The following PRELID2 variants were observed in gnomAD, a reference collection of about 807,000 sequenced individuals.
PRELID2 encodes PRELI domain-containing protein 2.
PRELID2 carries 25 observed loss-of-function variants against 28.4 expected under a neutral mutation model. The ratio of observed to expected loss-of-function variants is 0.88; its 90% CI spans 0.64 to 1.23. PRELID2 has a LOEUF of 1.23. Among genes scored for constraint, PRELID2 ranks in the 50% most tolerant of loss-of-function variants. The pLI is 0.00. For synonymous variants in PRELID2, 76 were observed against 71.6 expected, an observed-to-expected ratio of 1.06 and a Z score of -0.31; for missense variants, 201 against 214.4, an observed-to-expected ratio of 0.94 and a Z score of 0.39.
At chr5:145,569,025 A>G (rs896491557) in intron 1 of PRELID2, among the ~76,000 whole-genome samples, 4 of 152,214 alleles carry the variant, frequency 2.6e-5, no homozygotes, top group Admixed American at 2.6e-4. Context: ...ATGCTGTTTC[A>G]AAGAAACACT....
intron 1 of PRELID2, among the ~76,000 whole-genome samples, chr5:145,719,496 CGAGA>C (rs143655188): frequency 1.4e-3 from 206 of 144,720 alleles, no homozygotes; most frequent in Middle Eastern, 3.6e-3. Context: ...TTTCCCATTA[CGAGA>C]GAGAGAGAGA....
chr5:145,654,234 C>A (rs556831611), intron 1 of PRELID2, among the ~76,000 whole-genome samples: 2 of 152,126 alleles, frequency 1.3e-5, no homozygotes, highest in Non-Finnish European at 2.9e-5. Context: ...CAATAACAGG[C>A]TCTGAAATTG....
chr5:145,442,677 C>A, the PRELID2 span, among the ~76,000 whole-genome samples: 2 of 151,982 alleles, frequency 1.3e-5, no homozygotes, highest in Admixed American at 1.3e-4. Context: ...TGAAGTAATT[C>A]TTCAACATAA....
intron 1 of PRELID2, chr5:145,834,945 C>T (rs1755838153): frequency 2.3e-6 from 1 of 436,342 alleles, no homozygotes. Flanking sequence ...AAAAGGAAAG[C>T]CTCTTCTTTC....
chr5:145,832,324 C>G (rs1755647271), intron 1 of PRELID2, among the ~76,000 whole-genome samples: 1 of 152,124 alleles, frequency 6.6e-6, no homozygotes, highest in South Asian at 2.1e-4. Flanking sequence ...GCTGGGATTA[C>G]AGGCATAGGG....
intron 1 of PRELID2, among the ~76,000 whole-genome samples, chr5:145,601,460 A>T (rs1753396718): frequency 6.6e-6 from 1 of 152,242 alleles, no homozygotes; most frequent in South Asian, 2.1e-4. Context: ...ACAGAAAAAA[A>T]TATTTCAAGC....
At chr5:145,786,060 A>C (rs564681798) in intron 5 of PRELID2, among the ~76,000 whole-genome samples, 1 of 152,346 alleles carries the variant, frequency 6.6e-6, no homozygotes, top group East Asian at 1.9e-4. Context: ...TAAATAACTA[A>C]TAAATGTCAC....
the PRELID2 span, among the ~76,000 whole-genome samples, chr5:145,248,329 C>T: frequency 6.6e-6 from 1 of 151,724 alleles, no homozygotes; most frequent in Non-Finnish European, 1.5e-5. Flanking sequence ...AAATTTTGTA[C>T]CATAGGTTGG....
At chr5:145,607,254 G>C (rs1461387761) in intron 1 of PRELID2, among the ~76,000 whole-genome samples, 1 of 151,928 alleles carries the variant, frequency 6.6e-6, no homozygotes, top group Non-Finnish European at 1.5e-5. Flanking sequence ...CTTCAGTCCA[G>C]CTCTGATTTT....
intron 1 of PRELID2, among the ~76,000 whole-genome samples, chr5:145,494,809 G>T (rs1412319956): frequency 6.6e-6 from 1 of 152,122 alleles, no homozygotes; most frequent in Admixed American, 6.5e-5. Flanking sequence ...TCATTGAATA[G>T]ATAAGAGAAT....
the PRELID2 span, among the ~76,000 whole-genome samples, chr5:145,251,393 A>G: frequency 6.6e-6 from 1 of 152,154 alleles, no homozygotes; most frequent in Non-Finnish European, 1.5e-5. Flanking sequence ...AGTTGCTGTT[A>G]GAATATATCA....
intron 1 of PRELID2, among the ~76,000 whole-genome samples, chr5:145,636,095 C>G (rs1231645852): frequency 6.6e-6 from 1 of 152,206 alleles, no homozygotes; most frequent in African/African-American, 2.4e-5. Context: ...GAATTATTTT[C>G]CAGTTGCCTA....
At chr5:145,519,884 T>C (rs866751057) in intron 1 of PRELID2, among the ~76,000 whole-genome samples, 7 of 152,214 alleles carry the variant, frequency 4.6e-5, no homozygotes, top group African/African-American at 7.2e-5. Context: ...AAAATTACAA[T>C]TGAAACATCT....
chr5:145,494,662 G>A (rs897391760), intron 1 of PRELID2, among the ~76,000 whole-genome samples: 9 of 152,124 alleles, frequency 5.9e-5, no homozygotes, highest in Non-Finnish European at 1.2e-4. Flanking sequence ...AACATTTTAA[G>A]TATATATTCT....
the PRELID2 span, among the ~76,000 whole-genome samples, chr5:145,356,421 C>G: frequency 6.6e-6 from 1 of 151,866 alleles, no homozygotes; most frequent in Non-Finnish European, 1.5e-5. Flanking sequence ...TTATAGGTCT[C>G]TAAGAATTTG....
chr5:145,632,612 A>G (rs1753948159), intron 1 of PRELID2, among the ~76,000 whole-genome samples: 1 of 152,194 alleles, frequency 6.6e-6, no homozygotes, highest in Non-Finnish European at 1.5e-5. Flanking sequence ...CCATAAGTTT[A>G]GAAAGTCTGC....
At chr5:145,580,527 T>G (rs189829617) in intron 1 of PRELID2, among the ~76,000 whole-genome samples, 72 of 152,158 alleles carry the variant, frequency 4.7e-4, no homozygotes, top group Non-Finnish European at 8.2e-4. Flanking sequence ...GACTACCCTT[T>G]GTCTAGTGCT....
chr5:145,269,876 G>GTA, the PRELID2 span, among the ~76,000 whole-genome samples: 376 of 147,286 alleles, frequency 2.6e-3, 2 homozygotes, highest in African/African-American at 8.6e-3. Flanking sequence ...ACATATATAT[G>GTA]TATATATATA....
At chr5:145,470,051 G>A (rs1003619756), downstream of PRELID2, among the ~76,000 whole-genome samples, 9 of 152,130 alleles carry the variant, frequency 5.9e-5, no homozygotes, top group Non-Finnish European at 1.5e-5. Flanking sequence ...AAGGGGAAAA[G>A]TTAAGTAAAC....
Sources: allele counts gnomAD v4.1 joint callset (sites outside exome capture counted in the v4.1 genomes callset), GRCh38; gene constraint gnomAD v4.1.1; transcripts MANE v1.5; gene names NCBI Gene and HGNC (gene_info 2026-07-23, HGNC 2026-07-21).